PANK4: variants seen among roughly 807,000 people sequenced by gnomAD.
The protein encoded by PANK4 is pantothenate kinase 4 (inactive), also known as 4'-phosphopantetheine phosphatase.
In PANK4, 40 loss-of-function variants were observed where a neutral mutation model predicts 87.9. That is an observed-to-expected ratio of 0.46 (90% confidence interval 0.35 to 0.59). The LOEUF is 0.59. Ranked by LOEUF, PANK4 falls within the 20% of genes least tolerant of loss-of-function variation. The pLI, the probability that PANK4 is intolerant of heterozygous loss-of-function variation, is 0.00. For missense variants in PANK4, 926 were observed against 1,072.3 expected (o/e 0.86, Z 1.90); for synonymous variants, 524 against 467.4 (o/e 1.12, Z -1.56).
rs1643660883 is a variant in PANK4 at position 2,511,488 on chromosome 1, C to G, written c.1784-101G>C. The G allele has an allele frequency of 2.6e-6, 3 of 1,136,840 alleles. No homozygotes were observed. The African/African-American group carries it at 4.6e-5, about 17-fold the overall frequency. 70.4% of individuals were successfully genotyped at this position (1,136,840 alleles called of 1,614,324 possible). On this transcript the variant is annotated intron_variant, in intron 14 of 18. Transcript: ENST00000378466. ...CGTCTCTCCAGGAAGCAAGTTCTCC[C>G]CGCCCCCGAAGCCCAGCTGACAGAG...
At chr1:2,523,775 C>A (rs1330003947) in intron 1 of PANK4, among the ~76,000 whole-genome samples, 1 of 152,226 alleles carries the variant, frequency 6.6e-6, no homozygotes, top group Admixed American at 6.5e-5. Context: ...CGCCTGCGGG[C>A]GGGGACCCTT....
chr1:2,512,780 A>G, intron 13 of PANK4, 108 bp downstream of exon 13: 2 of 1,124,160 alleles, frequency 1.8e-6, no homozygotes, highest in Admixed American at 3.9e-5. Context: ...CAAGCCACCA[A>G]GCGCCACGTG....
intron 1 of PANK4, among the ~76,000 whole-genome samples, chr1:2,523,621 A>G (rs982875872): frequency 1.3e-5 from 2 of 152,148 alleles, no homozygotes; most frequent in Non-Finnish European, 2.9e-5. Context: ...CAAGATACGC[A>G]TCCTCCCTCC....
chr1:2,520,575 C>G lies in PANK4; in HGVS notation c.606+148G>C, dbSNP rs1643866586. ...AGCCTGGGGGCGCTGATGCCCCTCC[C>G]ACAGAGGCTCTGAGCTCACAGCCTC... On this transcript the variant is annotated intron_variant, in intron 4 of 18. Coordinates refer to ENST00000378466, the MANE Select transcript of PANK4 (RefSeq NM_018216.4). This position sits in a 1 kb window ranked among gnomAD's most constrained non-coding sequence, Gnocchi z 6.2. 9.8e-7 allele frequency: 1 copy of G among 1,020,756 alleles called. No individual in the cohort carries two copies. The highest frequency in any genetic ancestry group is 1.6e-5 in the African/African-American group (1 of 62,848). The allele number at this position is 1,020,756 out of a possible 1,614,324, so 63.2% of individuals were successfully genotyped here.
rs753091480 is a variant in PANK4 at position 2,518,537 on chromosome 1, G to A, written c.1096C>T (p.Leu366=). 4 of 1,570,170 alleles carry A rather than the reference G, an allele frequency of 2.5e-6. No individual in the cohort carries two copies. Among genetic ancestry groups the A allele is most frequent in the Non-Finnish European group, 3.5e-6 (4 of 1,157,456 alleles). The change falls in exon 8 of 19, where the codon CTG becomes TTG. Residue 366 remains leucine, a synonymous_variant. Coordinates refer to ENST00000378466, the MANE Select transcript of PANK4 (RefSeq NM_018216.4). ...EGYLGAIGAF[L]KGAEQDNPNQ... ...TCACTGTCCTGCTCAGCTCCTTTCA[G>A]GAACGCTCCGATGGCTCCCAGGTAG...
rs769191715 is a variant in PANK4 at position 2,510,141 on chromosome 1, T to G, written c.1955A>C (p.Asn652Thr). 6.2e-7 allele frequency: 1 copy of G among 1,605,984 alleles called. No homozygotes were observed. The highest frequency in any genetic ancestry group is 8.5e-7 in the Non-Finnish European group (1 of 1,176,370). The stretch of plus-strand genomic sequence containing the variant: ...CACGTCGTTCAGGGCGGGGCCTGAG[T>G]TGCACGCCAGGATGACCTGCAGGAG... ...LRGTEVILAC[N>T]SGPALNDVTH... is the part of the protein sequence containing the mutation. Residue 652 changes from asparagine to threonine, a missense_variant, in exon 17 of 19, where the codon AAC (asparagine) becomes ACC (threonine). Asn to Thr is a moderately conservative substitution (Grantham distance 65). Transcript: ENST00000378466. The surrounding 1 kb of genome is among the most constrained non-coding windows in gnomAD (Gnocchi z 4.9).
rs1241683213 is a variant in PANK4 at position 2,508,944 on chromosome 1, C to T, written c.2225G>A (p.Ser742Asn). The T allele has an allele frequency of 1.2e-6, 2 of 1,610,564 alleles. No individual in the cohort carries two copies. Among genetic ancestry groups the T allele is most frequent in the Non-Finnish European group, 1.7e-6 (2 of 1,179,126 alleles). Reference sequence around the variant, plus strand: ...GTTCTTGATGACGGCCAGCTTGAGGCTCTCGCAGCGCAGGGCTGCGTGGTA... The same window carrying T: ...GTTCTTGATGACGGCCAGCTTGAGGTTCTCGCAGCGCAGGGCTGCGTGGTA... ...TNYHAALRCE[S>N]LKLAVIKNAW... Residue 742 changes from serine to asparagine, a missense_variant, in exon 19 of 19, where the codon AGC (serine) becomes AAC (asparagine). By Grantham distance (46) the Ser-to-Asn change is conservative. Coordinates refer to ENST00000378466, the MANE Select transcript of PANK4 (RefSeq NM_018216.4). The surrounding 1 kb of genome is among the most constrained non-coding windows in gnomAD (Gnocchi z 5.1).
In PANK4 at chr1:2,514,482, G is replaced by A. The variant is rs780713497; in HGVS notation, c.1375-16C>T. On this transcript the variant is annotated splice_polypyrimidine_tract_variant and intron_variant, in intron 10 of 18. Coordinates refer to ENST00000378466, the MANE Select transcript of PANK4 (RefSeq NM_018216.4). ...GCTTCACTACCTGCCAGCGACAGAA[G>A]GAGGGGGTTAGTCAAGCGCTGGCCC... 6 of 1,589,916 alleles carry A rather than the reference G, an allele frequency of 3.8e-6. No individual in the cohort carries two copies. The highest frequency in any genetic ancestry group is 4.3e-6 in the Non-Finnish European group (5 of 1,168,224).
Position 2,519,952 on chromosome 1 carries a change from C to T in PANK4, c.702G>A (p.Lys234=). The T allele has an allele frequency of 6.4e-7, 1 of 1,555,680 alleles. No individual in the cohort carries two copies. The highest frequency in any genetic ancestry group is 1.2e-5 in the South Asian group (1 of 85,200). ...AGGCCAGGTGCAGGAGCTCGTCAAACTTCTGCAGGACACGGCGAGGGGGCG... is the reference window on the plus strand; with the variant it reads ...AGGCCAGGTGCAGGAGCTCGTCAAATTTCTGCAGGACACGGCGAGGGGGCG... ...GLGALLTKTK[K]FDELLHLASR... The change falls in exon 6 of 19, where the codon AAG becomes AAA. Residue 234 remains lysine, a splice_region_variant and synonymous_variant. Transcript: ENST00000378466. This position sits in a 1 kb window ranked among gnomAD's most constrained non-coding sequence, Gnocchi z 8.3.
Position 2,520,706 on chromosome 1 carries a change from A to G in PANK4, c.606+17T>C, listed in dbSNP as rs1481337937. The G allele has an allele frequency of 3.1e-6, 5 of 1,606,584 alleles. No individual in the cohort carries two copies. Among genetic ancestry groups the G allele is most frequent in the Non-Finnish European group, 4.3e-6 (5 of 1,174,970 alleles). ...GGCTAAACCATCCACTCATTCATTCATGAAGCCGGGTCTTACCTTCACGAT... is the reference window on the plus strand; with the variant it reads ...GGCTAAACCATCCACTCATTCATTCGTGAAGCCGGGTCTTACCTTCACGAT... On this transcript the variant is annotated intron_variant, in intron 4 of 18. Transcript: ENST00000378466. This position sits in a 1 kb window ranked among gnomAD's most constrained non-coding sequence, Gnocchi z 6.2.
At position 2,509,920 on chromosome 1, in the gene PANK4, G is replaced by T. The variant is rs1424097228; in HGVS notation, c.2050C>A (p.Gln684Lys). Residue 684 changes from glutamine to lysine, a missense_variant, in exon 18 of 19, where the codon CAG becomes AAG. Transcript: ENST00000378466. The surrounding 1 kb of genome is among the most constrained non-coding windows in gnomAD (Gnocchi z 4.9). ...GMDPVVHSAL[Q>K]EERLLLVQTG... ...TGCACCAGCAGCAGCCTCTCTTCCT[G>T]GAGCGCAGAGCTGCCAGATACAAGG... is the stretch of plus-strand genomic sequence containing the variant. The T allele has an allele frequency of 6.2e-7, 1 of 1,611,808 alleles. No homozygotes were observed. Among genetic ancestry groups the T allele is most frequent in the Admixed American group, 1.7e-5 (1 of 59,842 alleles).
rs1319571440 is a variant in PANK4, at chr1:2,521,268, T to C, written c.255A>G (p.Glu85=). 3.1e-6 allele frequency: 5 copies of C among 1,613,886 alleles called. No homozygotes were observed. Among genetic ancestry groups the C allele is most frequent in the Non-Finnish European group, 3.4e-6 (4 of 1,179,944 alleles). The change falls in exon 3 of 19, where the codon GAA becomes GAG. Residue 85 remains glutamate (E), a synonymous_variant. Coordinates refer to ENST00000378466, the MANE Select transcript of PANK4 (RefSeq NM_018216.4). ...TGAAGTGCAGTCGAGCAGTGATCTC[T>C]TCTTGAACTGAAATCTCATAGGGCG... The part of the protein sequence containing the change: ...HEPPYEISVQ[E]EITARLHFIK...
chr1:2,512,217 G>A (rs1420070199), intron 13 of PANK4, among the ~76,000 whole-genome samples: 1 of 152,204 alleles, frequency 6.6e-6, no homozygotes, highest in Non-Finnish European at 1.5e-5. Flanking sequence ...GCTGCGGGAG[G>A]GGCCTGTGTC....
In PANK4 at chr1:2,512,992, G is replaced by C. The variant is rs752274564; in HGVS notation, c.1623C>G (p.Val541=). ...AGCCCAGCGCGTCCAGGGAGCGCACGACCCCGGGGAAGCACCTCAGCGCCA... is the reference window on the plus strand; with the variant it reads ...AGCCCAGCGCGTCCAGGGAGCGCACCACCCCGGGGAAGCACCTCAGCGCCA... ...NGVALRCFPG[V]VRSLDALGWE... The change falls in exon 13 of 19, where the codon GTC becomes GTG. Residue 541 remains valine, a synonymous_variant. Transcript: ENST00000378466. The C allele has an allele frequency of 6.2e-7, 1 of 1,611,162 alleles. No homozygotes were observed.
chr1:2,521,857 G>T (rs1281595342), intron 1 of PANK4, 57 bp from the exon 2 acceptor site: 1 of 1,333,240 alleles, frequency 7.5e-7, no homozygotes, highest in Non-Finnish European at 1.1e-6. Flanking sequence ...CGGGGCCTGG[G>T]GGTCCATGCC....
rs1283136314 is a variant in PANK4 at position 2,519,378 on chromosome 1, T to C, written c.854-54A>G. The C allele has an allele frequency of 7.4e-6, 8 of 1,087,480 alleles. No homozygotes were observed. Among genetic ancestry groups the C allele is most frequent in the Non-Finnish European group, 7.4e-6 (6 of 810,650 alleles). The allele number at this position is 1,087,480 out of a possible 1,614,324, so 67.4% of individuals were successfully genotyped here. A position where few individuals can be genotyped will look rare whatever the true frequency, so the allele number is the denominator to read the frequency against. On this transcript the variant is annotated intron_variant, in intron 6 of 18. Coordinates refer to ENST00000378466, the MANE Select transcript of PANK4 (RefSeq NM_018216.4). This position sits in a 1 kb window ranked among gnomAD's most constrained non-coding sequence, Gnocchi z 8.3. ...CTCCAAGTACAGCAAGTGCACGACA[T>C]GAGAGCGAGCAGGAGGGGAGGGGGA...
intron 1 of PANK4, among the ~76,000 whole-genome samples, chr1:2,524,390 A>G (rs1019575419): frequency 3.9e-5 from 6 of 152,222 alleles, no homozygotes; most frequent in Middle Eastern, 3.2e-3. Context: ...CCCCACCCTG[A>G]GCGTGGCCTC....
chr1:2,515,795 C>G lies in PANK4; in HGVS notation c.1219-78G>C. ...CAAGCCACACTCAGAAGCTTCCACT[C>G]TCTCTCTAAGAAGGGAGATGTACTG... is the stretch of plus-strand genomic sequence containing the variant. On this transcript the variant is annotated intron_variant, in intron 9 of 18. Transcript: ENST00000378466. The surrounding 1 kb of genome is among the most constrained non-coding windows in gnomAD (Gnocchi z 5.0). 7.3e-7 allele frequency: 1 copy of G among 1,372,636 alleles called. No individual in the cohort carries two copies. Among genetic ancestry groups the G allele is most frequent in the South Asian group, 1.3e-5 (1 of 78,526 alleles). The allele number at this position is 1,372,636 out of a possible 1,614,324, so 85.0% of individuals were successfully genotyped here. A position where few individuals can be genotyped will look rare whatever the true frequency, so the allele number is the denominator to read the frequency against.
At position 2,509,965 on chromosome 1, in the gene PANK4, C is replaced by T; in HGVS notation, c.2040-35G>A. 1 of 1,598,926 alleles carries T rather than the reference C, an allele frequency of 6.3e-7. No homozygotes were observed. Among genetic ancestry groups the T allele is most frequent in the Non-Finnish European group, 8.5e-7 (1 of 1,171,814 alleles). On this transcript the variant is annotated intron_variant, in intron 17 of 18. Transcript: ENST00000378466. The surrounding 1 kb of genome is among the most constrained non-coding windows in gnomAD (Gnocchi z 4.9). Reference sequence around the variant, plus strand: ...ACAAGGTGGTCAGTGCCCCCAGGAGCTCCCAGTTCAGTGACAATCCCCATG... The same window carrying T: ...ACAAGGTGGTCAGTGCCCCCAGGAGTTCCCAGTTCAGTGACAATCCCCATG...
Sources: gnomAD v4.1 joint callset for allele counts (sites outside exome capture counted in the v4.1 genomes callset) on GRCh38, gnomAD v4.1.1 for gene constraint, Gnocchi (gnomAD v3.1) non-coding constraint, MANE v1.5 for transcripts, NCBI Gene and HGNC (gene_info 2026-07-23, HGNC 2026-07-21) for gene names.